The following AKAP13 variants were observed in gnomAD, a reference collection of about 807,000 sequenced individuals.
The protein encoded by AKAP13 is A-kinase anchor protein 13.
A neutral mutation model predicts 264.5 loss-of-function variants in AKAP13; 80 were observed. That is an observed-to-expected ratio of 0.30 (90% CI 0.25 to 0.36). AKAP13 has a LOEUF of 0.36. Among genes scored for constraint, AKAP13 ranks in the 10% least tolerant of loss-of-function variants. The probability of loss-of-function intolerance (pLI) is 1.00; values close to 1 mark genes in which losing one functional copy is unlikely to be tolerated. For synonymous variants in AKAP13, 1,380 were observed against 1,250.2 expected (o/e 1.10, Z -2.19); for missense variants, 3,712 against 3,435.2 (o/e 1.08, Z -2.01).
intron 1 of AKAP13, among the ~76,000 whole-genome samples, chr15:85,431,850 A>G (rs962198122): frequency 4.6e-5 from 7 of 152,232 alleles, no homozygotes; most frequent in African/African-American, 1.7e-4. Flanking sequence ...CTACGATATA[A>G]TCTGAAAGAT....
intron 1 of AKAP13, among the ~76,000 whole-genome samples, chr15:85,408,807 A>G (rs994792152): frequency 1.3e-5 from 2 of 151,780 alleles, no homozygotes; most frequent in African/African-American, 4.9e-5. Flanking sequence ...ACATCTTTCG[A>G]AGTCCCTGCT....
intron 5 of AKAP13, among the ~76,000 whole-genome samples, chr15:85,572,658 TTAAAAA>T (rs2078858445): frequency 6.6e-6 from 1 of 151,970 alleles, no homozygotes; most frequent in African/African-American, 2.4e-5. Flanking sequence ...CACTGTAGCA[TTAAAAA>T]AAAAATTTTT....
intron 23 of AKAP13, among the ~76,000 whole-genome samples, chr15:85,721,158 C>G (rs772156192): frequency 1.4e-4 from 21 of 152,208 alleles, no homozygotes; most frequent in Non-Finnish European, 2.6e-4. Context: ...CTAGTAAGAT[C>G]TTTGGTGCTA....
At chr15:85,571,237 A>T (rs74982214) in intron 5 of AKAP13, among the ~76,000 whole-genome samples, 1 of 150,572 alleles carries the variant, frequency 6.6e-6, no homozygotes, top group East Asian at 2.0e-4. Context: ...TACTTTTTAT[A>T]TTTGTGCGTT....
rs768199877 is a variant in AKAP13, at chr15:85,579,218, G to A, written c.1150G>A (p.Glu384Lys). The change falls in exon 7 of 37, where the codon GAG becomes AAG. Residue 384 changes from glutamate (E) to lysine (K), a missense_variant. This residue lies in a region of AKAP13 where 2,759 missense variants were observed against 2,411.7 expected (regional missense o/e 1.14). Coordinates refer to ENST00000394518, the MANE Select transcript of AKAP13 (RefSeq NM_007200.5). ...KGVERKGEEV[E>K]PAPIVDSGTV... is the part of the protein sequence containing the mutation. ...CGTGGAAAGAAAAGGGGAAGAGGTG[G>A]AGCCAGCACCTATTGTGGACTCTGG... 6.8e-6 allele frequency: 11 copies of A among 1,614,228 alleles called. No homozygotes were observed. The Admixed American group carries it at 1.5e-4, about 22-fold the overall frequency.
rs2084496784 is a variant in AKAP13 at position 85,679,982 on chromosome 15, A to G, written c.5102-2176A>G. ...TAAAAGGTCATCATAACTTAACTAA[A>G]ATTTTTAGCAGTGGAAAAGTTGAAA... On this transcript the variant is annotated intron_variant, in intron 14 of 36. Coordinates refer to ENST00000394518, the MANE Select transcript of AKAP13 (RefSeq NM_007200.5). 3.3e-5 allele frequency among the ~76,000 whole-genome samples: 5 copies of G among 152,180 alleles called. No individual in the cohort carries two copies. In the South Asian group the frequency reaches 1.0e-3, roughly 32 times the overall value.
intron 1 of AKAP13, among the ~76,000 whole-genome samples, chr15:85,478,734 C>T (rs930169746): frequency 6.6e-6 from 1 of 151,652 alleles, no homozygotes. Context: ...CATTTGGGCT[C>T]AGTGCTTTGT....
chr15:85,644,729 G>A (rs1292588086), intron 9 of AKAP13, among the ~76,000 whole-genome samples: 4 of 151,240 alleles, frequency 2.6e-5, no homozygotes, highest in African/African-American at 9.7e-5. Context: ...AGCCAGGCAT[G>A]GTGGCACGTG....
chr15:85,475,757 T>C (rs2075139723), intron 1 of AKAP13, among the ~76,000 whole-genome samples: 1 of 152,222 alleles, frequency 6.6e-6, no homozygotes, highest in East Asian at 1.9e-4. Flanking sequence ...TAGACATTTT[T>C]GTTTTGATGA....
At position 85,581,556 on chromosome 15, in the gene AKAP13, A is replaced by C. The variant is rs373400964; in HGVS notation, c.3488A>C (p.Glu1163Ala). Residue 1163 changes from glutamate to alanine, a missense_variant, in exon 7 of 37, where the codon GAG becomes GCG. Coordinates refer to ENST00000394518, the MANE Select transcript of AKAP13 (RefSeq NM_007200.5). ...IPLDWEKGKL[E>A]GADHSCTMGD... is the part of the protein sequence containing the mutation. ...CTTGATTGGGAGAAAGGGAAGCTGG[A>C]GGGAGCAGACCACAGCTGTACCATG... is the stretch of plus-strand genomic sequence containing the variant. The C allele has an allele frequency of 3.3e-5, 54 of 1,614,060 alleles. No individual in the cohort carries two copies. The highest frequency in any genetic ancestry group is 4.4e-5 in the Non-Finnish European group (52 of 1,180,032).
intron 2 of AKAP13, chr15:85,520,667 A>C (rs1203625484): frequency 3.9e-6 from 2 of 519,026 alleles, no homozygotes; most frequent in East Asian, 5.4e-5. Context: ...CAGGAAATAC[A>C]AATTATTAGA....
chr15:85,586,943 A>G lies in AKAP13; in HGVS notation c.4161+1120A>G, dbSNP rs953841861. ...ACACCTTCTCAAAAAAAAAAAAATA[A>G]GAGAATAAAAGGTTCAATCAACATT... On this transcript the variant is annotated intron_variant, in intron 8 of 36. Transcript: ENST00000394518. Among the ~76,000 whole-genome samples the G allele has an allele frequency of 2.0e-5, 3 of 146,976 alleles. 1 individual carries two copies. Among genetic ancestry groups the G allele is most frequent in the African/African-American group, 7.5e-5 (3 of 39,934 alleles).
intron 8 of AKAP13, among the ~76,000 whole-genome samples, chr15:85,606,576 G>T (rs933801902): frequency 6.6e-6 from 1 of 152,220 alleles, no homozygotes; most frequent in African/African-American, 2.4e-5. Flanking sequence ...ATAATTGATG[G>T]ATGAGTGCTA....
chr15:85,654,915 G>A (rs1207725784), intron 10 of AKAP13, among the ~76,000 whole-genome samples: 1 of 152,018 alleles, frequency 6.6e-6, no homozygotes, highest in Non-Finnish European at 1.5e-5. Flanking sequence ...ACCTAGGCCA[G>A]GCGCAGTGGC....
intron 17 of AKAP13, among the ~76,000 whole-genome samples, chr15:85,698,539 C>T (rs937318389): frequency 6.6e-5 from 10 of 151,542 alleles, no homozygotes; most frequent in African/African-American, 2.4e-4. Context: ...GCAAAGGAAC[C>T]AATGGTATGT....
At chr15:85,650,923 G>A (rs1162872762) in intron 10 of AKAP13, among the ~76,000 whole-genome samples, 1 of 151,968 alleles carries the variant, frequency 6.6e-6, no homozygotes, top group East Asian at 1.9e-4. Context: ...TGGTTGGCAT[G>A]TGTTAGGTGT....
chr15:85,648,315 G>C (rs2082650908), intron 10 of AKAP13, among the ~76,000 whole-genome samples: 1 of 152,306 alleles, frequency 6.6e-6, no homozygotes, highest in Admixed American at 6.5e-5. Context: ...TCTTTGTTAA[G>C]AAATACTTCC....
intron 34 of AKAP13, 48 bp downstream of exon 34, chr15:85,740,320 G>C (rs1567224550): frequency 6.3e-7 from 1 of 1,599,682 alleles, no homozygotes; most frequent in Non-Finnish European, 8.6e-7. Context: ...CTAGAGAACA[G>C]CAGCTTGGGG....
At chr15:85,499,188 A>G (rs1198950176) in intron 2 of AKAP13, among the ~76,000 whole-genome samples, 1 of 152,216 alleles carries the variant, frequency 6.6e-6, no homozygotes, top group Non-Finnish European at 1.5e-5. Context: ...TTGACTCAGA[A>G]TAATATCAAG....
Sources: gnomAD v4.1 joint callset for allele counts (sites outside exome capture counted in the v4.1 genomes callset) on GRCh38, gnomAD v4.1.1 for gene constraint, gnomAD v4.1.1 regional missense constraint, MANE v1.5 for transcripts, NCBI Gene and HGNC (gene_info 2026-07-23, HGNC 2026-07-21) for gene names.